The following MALRD1 variants were observed in gnomAD, a reference collection of about 807,000 sequenced individuals.
MALRD1 encodes MAM and LDL-receptor class A domain-containing protein 1.
MALRD1 carries 247 observed loss-of-function variants against 242.1 expected under a neutral mutation model. That is an observed-to-expected ratio of 1.02 (90% CI 0.92 to 1.13). The LOEUF (loss-of-function observed/expected upper bound fraction) is 1.13. Ranked by LOEUF, MALRD1 falls within the 50% of genes most tolerant of loss-of-function variation. MALRD1 has a pLI of 0.00. For missense variants in MALRD1, 2,989 were observed against 2,533.1 expected (o/e 1.18, Z -3.86); for synonymous variants, 995 against 866.6 (o/e 1.15, Z -2.60).
At chr10:19,067,357 T>G (rs1835011387) in intron 2 of MALRD1, among the ~76,000 whole-genome samples, 1 of 152,126 alleles carries the variant, frequency 6.6e-6, no homozygotes, top group Non-Finnish European at 1.5e-5. Flanking sequence ...TATTAACTAA[T>G]AAACTCCATT....
intron 11 of MALRD1, among the ~76,000 whole-genome samples, chr10:19,148,775 A>T (rs1243936502): frequency 1.3e-5 from 1 of 77,244 alleles, no homozygotes. Context: ...GGGCCAATTA[A>T]AAAAAAAAAA....
chr10:19,247,302 C>A (rs1435507562), intron 18 of MALRD1, among the ~76,000 whole-genome samples: 1 of 151,984 alleles, frequency 6.6e-6, no homozygotes, highest in Non-Finnish European at 1.5e-5. Context: ...TAAATTACTT[C>A]ATTAAAAATA....
At chr10:19,175,395 T>C in intron 14 of MALRD1, 67 bp downstream of exon 14, 1 of 1,170,084 alleles carries the variant, frequency 8.5e-7, no homozygotes, top group East Asian at 3.6e-5. Flanking sequence ...TATCAAAATA[T>C]AAAATGTATT....
At chr10:19,272,403 A>G (rs1248256122) in intron 19 of MALRD1, among the ~76,000 whole-genome samples, 4 of 152,330 alleles carry the variant, frequency 2.6e-5, no homozygotes, top group South Asian at 4.1e-4. Context: ...TAAGAAAACT[A>G]TAATCCAATT....
intron 30 of MALRD1, 141 bp downstream of exon 30, chr10:19,491,786 C>T (rs980274481): frequency 6.4e-5 from 57 of 892,120 alleles, no homozygotes; most frequent in Non-Finnish European, 8.8e-5. Flanking sequence ...CAAATATTTC[C>T]CCAAATTTGT....
At chr10:19,376,320 T>C (rs1264212727) in intron 26 of MALRD1, among the ~76,000 whole-genome samples, 1 of 152,128 alleles carries the variant, frequency 6.6e-6, no homozygotes, top group Non-Finnish European at 1.5e-5. Flanking sequence ...GATGGTTAAG[T>C]TGTGTTGCAC....
intron 30 of MALRD1, among the ~76,000 whole-genome samples, chr10:19,493,576 G>A (rs374740658): frequency 5.9e-5 from 9 of 151,472 alleles, no homozygotes; most frequent in Non-Finnish European, 7.4e-5. Context: ...TTGGGAGGCC[G>A]ATGCGGGTGG....
chr10:19,420,991 C>A (rs1256078910), intron 28 of MALRD1, among the ~76,000 whole-genome samples: 1 of 152,188 alleles, frequency 6.6e-6, no homozygotes, highest in South Asian at 2.1e-4. Context: ...CCCTCTCTTA[C>A]ACTTGCAAAA....
intron 2 of MALRD1, among the ~76,000 whole-genome samples, chr10:19,072,789 A>C (rs944084436): frequency 6.6e-6 from 1 of 152,098 alleles, no homozygotes; most frequent in Non-Finnish European, 1.5e-5. Flanking sequence ...TTAAGGGGGA[A>C]ATTTTTTTAT....
chr10:19,369,475 A>G (rs900272994), intron 26 of MALRD1, among the ~76,000 whole-genome samples: 2 of 148,638 alleles, frequency 1.3e-5, no homozygotes, highest in African/African-American at 2.4e-5. Context: ...GTTTTTTTAT[A>G]TACTCTGGAT....
At position 19,567,569 on chromosome 10, in the gene MALRD1, G is replaced by A. The variant is rs1411960796; in HGVS notation, c.5546G>A (p.Gly1849Glu). Residue 1849 changes from glycine (G) to glutamate (E), a missense_variant, in exon 33 of 40, where the codon GGA becomes GAA. Gly to Glu is a moderately conservative substitution (Grantham distance 98). Transcript: ENST00000454679. Reference sequence around the variant, plus strand: ...TCAGTGATTGGAAATAAAAGAACGGGATGGACATATGGCTCTGTGCCTCTC... The same window carrying A: ...TCAGTGATTGGAAATAAAAGAACGGAATGGACATATGGCTCTGTGCCTCTC... ...VWSVIGNKRT[G>E]WTYGSVPLSS... 1 of 1,550,332 alleles carries A rather than the reference G, an allele frequency of 6.5e-7. No individual in the cohort carries two copies. Among genetic ancestry groups the A allele is most frequent in the Non-Finnish European group, 8.7e-7 (1 of 1,146,956 alleles).
chr10:19,644,076 T>C (rs952436843), intron 36 of MALRD1, among the ~76,000 whole-genome samples: 2 of 152,198 alleles, frequency 1.3e-5, no homozygotes, highest in African/African-American at 4.8e-5. Context: ...AACATACTGC[T>C]CCATCTTTTG....
chr10:19,267,076 G>A (rs1290000659), intron 19 of MALRD1, among the ~76,000 whole-genome samples: 1 of 151,924 alleles, frequency 6.6e-6, no homozygotes, highest in Non-Finnish European at 1.5e-5. Flanking sequence ...TTGCACCAAG[G>A]ATTAATAGTG....
intron 13 of MALRD1, 33 bp from the exon 14 acceptor site, chr10:19,175,175 G>GT: frequency 8.2e-7 from 1 of 1,216,868 alleles, no homozygotes; most frequent in Non-Finnish European, 1.0e-6. Flanking sequence ...TTTGTGATGT[G>GT]TTTTTAACAG....
At chr10:19,269,805 G>A (rs545400123) in intron 19 of MALRD1, among the ~76,000 whole-genome samples, 1 of 152,304 alleles carries the variant, frequency 6.6e-6, no homozygotes, top group East Asian at 1.9e-4. Flanking sequence ...AATGAGAATA[G>A]GACTAAGAAT....
At chr10:19,572,717 C>T (rs758993762) in intron 33 of MALRD1, among the ~76,000 whole-genome samples, 1 of 152,004 alleles carries the variant, frequency 6.6e-6, no homozygotes. Flanking sequence ...GGCCCTAATC[C>T]AATATGACCA....
intron 21 of MALRD1, among the ~76,000 whole-genome samples, chr10:19,318,503 T>G (rs1056900031): frequency 1.3e-5 from 2 of 151,248 alleles, no homozygotes; most frequent in African/African-American, 4.8e-5. Flanking sequence ...AATTATACCT[T>G]GGTTACCTTA....
intron 28 of MALRD1, among the ~76,000 whole-genome samples, chr10:19,440,676 T>C (rs1289492627): frequency 6.6e-6 from 1 of 152,192 alleles, no homozygotes; most frequent in African/African-American, 2.4e-5. Flanking sequence ...CATGGACTCA[T>C]CCTTTTTTAT....
chr10:19,676,779 T>C (rs2131779025), intron 36 of MALRD1, among the ~76,000 whole-genome samples: 1 of 152,292 alleles, frequency 6.6e-6, no homozygotes, highest in South Asian at 2.1e-4. Context: ...ATCACCTGCG[T>C]ATTAAGCCTG....
Sources: gnomAD v4.1 joint callset for allele counts (sites outside exome capture counted in the v4.1 genomes callset) on GRCh38, gnomAD v4.1.1 for gene constraint, MANE v1.5 for transcripts, NCBI Gene and HGNC (gene_info 2026-07-23, HGNC 2026-07-21) for gene names.